Variants in MYH9 observed in about 807,000 individuals in gnomAD.
The protein encoded by MYH9 is myosin-9.
Under a neutral mutation model 241.9 loss-of-function variants are expected in MYH9, and 29 were observed. The ratio of observed to expected loss-of-function variants is 0.12; its 90% CI spans 0.09 to 0.16. MYH9 has a LOEUF of 0.16. Ranked by LOEUF, MYH9 falls within the 10% of genes least tolerant of loss-of-function variation. The pLI is 1.00. For missense variants in MYH9, 1,803 were observed against 2,595.5 expected (o/e 0.69, Z 6.63); for synonymous variants, 1,047 against 1,062.6 (o/e 0.99, Z 0.29).
At chr22:36,335,586 A>T (rs1472972682) in intron 3 of MYH9, among the ~76,000 whole-genome samples, 17 of 152,218 alleles carry the variant, frequency 1.1e-4, no homozygotes, top group Non-Finnish European at 1.5e-5. Flanking sequence ...TTTTCCTCAG[A>T]AAGACATTGG....
intron 10 of MYH9, 57 bp from the exon 11 acceptor site, chr22:36,318,382 GA>G: frequency 1.5e-6 from 2 of 1,373,628 alleles, no homozygotes; most frequent in South Asian, 2.3e-5. Context: ...ACCCAAGAGA[GA>G]AAGTTCTAAT....
intron 30 of MYH9, 57 bp from the exon 31 acceptor site, chr22:36,292,291 A>C: frequency 1.9e-6 from 3 of 1,607,554 alleles, no homozygotes; most frequent in Middle Eastern, 1.7e-4. Context: ...CAGGTGGCAC[A>C]CCCGTCCCTG....
chr22:36,291,981 C>G lies in MYH9; in HGVS notation c.4344+5G>C. On this transcript the variant is annotated splice_donor_5th_base_variant and intron_variant, in intron 31 of 40. Coordinates refer to ENST00000216181, the MANE Select transcript of MYH9 (RefSeq NM_002473.6). ...ATGCAAAGGATGGGGCCAACGGCCA[C>G]ACACCTGGTCAAACTTCTTCTGCTT... 2 of 1,614,196 alleles carry G rather than the reference C, an allele frequency of 1.2e-6. No homozygotes were observed. Among genetic ancestry groups the G allele is most frequent in the African/African-American group, 2.7e-5 (2 of 75,072 alleles).
At chr22:36,349,948 A>G (rs2017739493) in intron 1 of MYH9, among the ~76,000 whole-genome samples, 1 of 152,178 alleles carries the variant, frequency 6.6e-6, no homozygotes, top group African/African-American at 2.4e-5. Context: ...ACTGACTACA[A>G]CCCCACATAG....
Position 36,319,627 on chromosome 22 carries a change from G to A in MYH9, c.1021C>T (p.Arg341Trp), listed in dbSNP as rs759123154. 4.8e-5 allele frequency: 77 copies of A among 1,613,888 alleles called. 1 individual carries two copies. The Admixed American group carries it at 8.7e-4, about 18-fold the overall frequency. ...IPEEEQMGLLRVISGVLQLGN... is the reference protein window; with the variant it reads ...IPEEEQMGLLWVISGVLQLGN... ...AGCTGAAGAACCCCTGAGATGACCC[G>A]CAGCAGGCCTTTGGGTGCAATCAGA... The change falls in exon 10 of 41, where the codon CGG (arginine) becomes TGG (tryptophan). Residue 341 changes from arginine (R) to tryptophan (W), a missense_variant. Physicochemically the swap from Arg to Trp is moderately radical, Grantham distance 101 (BLOSUM62 -3). This residue lies in a region of MYH9 where 222 missense variants were observed against 359.9 expected (regional missense o/e 0.62). Coordinates refer to ENST00000216181, the MANE Select transcript of MYH9 (RefSeq NM_002473.6).
intron 3 of MYH9, among the ~76,000 whole-genome samples, chr22:36,331,288 G>A (rs1289643106): frequency 1.3e-5 from 2 of 152,198 alleles, no homozygotes; most frequent in African/African-American, 2.4e-5. Flanking sequence ...CCCGCCTGCT[G>A]TCTCGGAGCT....
chr22:36,361,226 C>T (rs2017931459), intron 1 of MYH9, among the ~76,000 whole-genome samples: 1 of 152,184 alleles, frequency 6.6e-6, no homozygotes. Flanking sequence ...GAACTTGTTT[C>T]CATTAGCAGT....
Position 36,379,780 on chromosome 22 carries a change from G to C in MYH9, c.-20+8027C>G, listed in dbSNP as rs117350496. Reference sequence around the variant, plus strand: ...GCCACAGCAGGAGGGTCCTGGGCTAGAGATGCAGACAGCCACTGAGGGACT... The same window carrying C: ...GCCACAGCAGGAGGGTCCTGGGCTACAGATGCAGACAGCCACTGAGGGACT... On this transcript the variant is annotated intron_variant, in intron 1 of 40. Coordinates refer to ENST00000216181, the MANE Select transcript of MYH9 (RefSeq NM_002473.6). Among the ~76,000 whole-genome samples, 5 of 152,312 alleles carry C rather than the reference G, an allele frequency of 3.3e-5. No homozygotes were observed. The East Asian group carries it at 7.7e-4, about 24-fold the overall frequency.
chr22:36,333,459 G>C (rs1271988915), intron 3 of MYH9, among the ~76,000 whole-genome samples: 1 of 152,200 alleles, frequency 6.6e-6, no homozygotes, highest in African/African-American at 2.4e-5. Context: ...GAATCCCAAA[G>C]CCAGGTGGGA....
intron 30 of MYH9, among the ~76,000 whole-genome samples, 166 bp from the exon 31 acceptor site, chr22:36,292,400 C>A (rs1189293553): frequency 6.6e-6 from 1 of 152,144 alleles, no homozygotes; most frequent in Non-Finnish European, 1.5e-5. Context: ...TCCACAGGGG[C>A]GAGACAAATG....
chr22:36,325,256 C>A, intron 5 of MYH9: 1 of 634,972 alleles, frequency 1.6e-6, no homozygotes, highest in South Asian at 1.8e-5. Flanking sequence ...GAAAAAGATT[C>A]CAAACGTCTT....
intron 19 of MYH9, 150 bp downstream of exon 19, chr22:36,303,844 GA>G: frequency 3.0e-6 from 2 of 671,630 alleles, no homozygotes; most frequent in Non-Finnish European, 2.5e-6. Context: ...CTCAAAGGTA[GA>G]AATCCAGGAA....
intron 3 of MYH9, among the ~76,000 whole-genome samples, chr22:36,339,069 C>G (rs2017544235): frequency 6.6e-6 from 1 of 152,160 alleles, no homozygotes; most frequent in South Asian, 2.1e-4. Context: ...CAGGCCACCA[C>G]CAAATTTTTG....
At chr22:36,313,981 C>G (rs1034691214) in intron 13 of MYH9, among the ~76,000 whole-genome samples, 164 bp downstream of exon 13, 4 of 152,168 alleles carry the variant, frequency 2.6e-5, no homozygotes, top group African/African-American at 9.7e-5. Flanking sequence ...CCCAGGCCTC[C>G]CAGGCACTGG....
chr22:36,325,487 G>A (rs1025286185), intron 5 of MYH9, among the ~76,000 whole-genome samples: 7 of 152,260 alleles, frequency 4.6e-5, no homozygotes, highest in African/African-American at 1.7e-4. Context: ...TCACAGGGGA[G>A]GTTAAGAGTG....
At position 36,294,160 on chromosome 22, in the gene MYH9, G is replaced by A; in HGVS notation, c.3769C>T (p.Leu1257=). ...RKKVEAQLQE[L]QVKFNEGERV... is the part of the protein sequence containing the mutation. ...TCTCCCTCGTTGAACTTGACCTGCA[G>A]CTCCTGCAGCTGCGCCTCCACTTTC... is the stretch of plus-strand genomic sequence containing the variant. Residue 1257 remains leucine, a synonymous_variant, in exon 28 of 41, where the codon CTG becomes TTG. Transcript: ENST00000216181. The A allele has an allele frequency of 1.2e-6, 2 of 1,613,326 alleles. No individual in the cohort carries two copies. Among genetic ancestry groups the A allele is most frequent in the Non-Finnish European group, 1.7e-6 (2 of 1,180,012 alleles).
rs2018382716 is a variant in MYH9, at chr22:36,387,884, T to C, written c.-97A>G. The C allele has an allele frequency of 6.6e-6, 1 of 152,020 alleles. No homozygotes were observed. Among genetic ancestry groups the C allele is most frequent in the Non-Finnish European group, 1.5e-5 (1 of 68,066 alleles). 9.4% of individuals were successfully genotyped at this position (152,020 alleles called of 1,614,324 possible). Reference sequence around the variant, plus strand: ...CTCGAGCGCTCGGGCGGCGGCCGGGTGGGGCGAGCGCACGAGGCGGGAGCT... The same window carrying C: ...CTCGAGCGCTCGGGCGGCGGCCGGGCGGGGCGAGCGCACGAGGCGGGAGCT... On this transcript the variant is annotated 5_prime_UTR_variant, in exon 1 of 41. Transcript: ENST00000216181.
chr22:36,369,941 A>C lies in MYH9; in HGVS notation c.-20+17866T>G, dbSNP rs549848649. 1.2e-4 allele frequency among the ~76,000 whole-genome samples: 18 copies of C among 152,314 alleles called. No homozygotes were observed. In the South Asian group the frequency reaches 3.7e-3, roughly 32 times the overall value. The stretch of plus-strand genomic sequence containing the variant: ...ACTGCCACCTTCATGGGATTGAGAG[A>C]CTTTTGTTGCAATAACTTGAAAGTG... On this transcript the variant is annotated intron_variant, in intron 1 of 40. Coordinates refer to ENST00000216181, the MANE Select transcript of MYH9 (RefSeq NM_002473.6).
chr22:36,309,499 A>T (rs962280780), intron 14 of MYH9, 103 bp from the exon 15 acceptor site: 4 of 822,538 alleles, frequency 4.9e-6, no homozygotes, highest in Non-Finnish European at 6.3e-6. Flanking sequence ...AAAGTCAGAA[A>T]ACGTGAAGAC....
Sources: gnomAD v4.1 joint callset for allele counts (sites outside exome capture counted in the v4.1 genomes callset) on GRCh38, gnomAD v4.1.1 for gene constraint, gnomAD v4.1.1 regional missense constraint, MANE v1.5 for transcripts, NCBI Gene and HGNC (gene_info 2026-07-23, HGNC 2026-07-21) for gene names.